Variants in XPO7 observed in about 807,000 individuals in gnomAD.
XPO7 encodes exportin 7.
XPO7 carries 21 observed loss-of-function variants against 144.3 expected under a neutral mutation model. That is an observed-to-expected ratio of 0.15 (90% confidence interval 0.10 to 0.21). XPO7 has a LOEUF of 0.21. Among genes scored for constraint, XPO7 ranks in the 10% least tolerant of loss-of-function variants. XPO7 has a pLI of 1.00. For missense variants in XPO7, 808 were observed against 1,325.8 expected (o/e 0.61, Z 6.06); for synonymous variants, 580 against 499.6 (o/e 1.16, Z -2.15).
chr8:21,975,813 CAG>C (rs1812206068), intron 6 of XPO7, among the ~76,000 whole-genome samples: 2 of 152,196 alleles, frequency 1.3e-5, no homozygotes, highest in African/African-American at 4.8e-5. Flanking sequence ...GGGACAGGCA[CAG>C]TAGCTATGGC....
chr8:21,972,717 C>A (rs1585455585), intron 5 of XPO7, among the ~76,000 whole-genome samples: 1 of 152,162 alleles, frequency 6.6e-6, no homozygotes, highest in Non-Finnish European at 1.5e-5. Flanking sequence ...AGGCCCTTAT[C>A]AATATTAGCT....
chr8:21,993,266 C>A (rs1812828333), intron 19 of XPO7, among the ~76,000 whole-genome samples: 1 of 152,130 alleles, frequency 6.6e-6, no homozygotes, highest in African/African-American at 2.4e-5. Flanking sequence ...AAAAGAACAA[C>A]CTTGGTAATG....
chr8:21,969,259 C>T (rs530161083), intron 2 of XPO7, among the ~76,000 whole-genome samples: 7 of 152,190 alleles, frequency 4.6e-5, no homozygotes, highest in Non-Finnish European at 8.8e-5. Context: ...CTTGATCAGA[C>T]GGTTCACTTT....
intron 1 of XPO7, among the ~76,000 whole-genome samples, chr8:21,950,813 G>T (rs1049895926): frequency 1.3e-5 from 2 of 151,740 alleles, no homozygotes; most frequent in Admixed American, 1.3e-4. Flanking sequence ...ATATTCTACC[G>T]TAAATTTATA....
rs148573624 is a variant in XPO7 at position 21,948,546 on chromosome 8, C to T, written c.19-18311C>T. 3.6e-4 allele frequency among the ~76,000 whole-genome samples: 55 copies of T among 152,260 alleles called. No homozygotes were observed. In the East Asian group the frequency reaches 8.3e-3, roughly 23 times the overall value. On this transcript the variant is annotated intron_variant, in intron 1 of 27. Transcript: ENST00000252512. ...ATGTATCCCCATCGATAACGCAAGG[C>T]ATGACTATACTTTAAAGGAGTTTTT... is the stretch of plus-strand genomic sequence containing the variant.
intron 5 of XPO7, among the ~76,000 whole-genome samples, chr8:21,973,527 G>A (rs1313758486): frequency 6.6e-6 from 1 of 152,154 alleles, no homozygotes; most frequent in Non-Finnish European, 1.5e-5. Context: ...ATTGTTTTGT[G>A]ATTGTCAGAT....
chr8:21,996,897 C>T (rs1034289228), intron 21 of XPO7, among the ~76,000 whole-genome samples: 1 of 152,124 alleles, frequency 6.6e-6, no homozygotes, highest in Non-Finnish European at 1.5e-5. Context: ...AACTTAACGC[C>T]TCCTGGGTTC....
At chr8:21,927,970 T>G (rs62492073) in intron 1 of XPO7, among the ~76,000 whole-genome samples, 1 of 152,216 alleles carries the variant, frequency 6.6e-6, no homozygotes, top group African/African-American at 2.4e-5. Flanking sequence ...ATAAAATCTT[T>G]CCTTTTTACT....
chr8:21,940,785 C>T (rs1474949500), intron 1 of XPO7, among the ~76,000 whole-genome samples: 1 of 152,026 alleles, frequency 6.6e-6, no homozygotes, highest in Admixed American at 6.6e-5. Flanking sequence ...CAGGCATTTT[C>T]ATCGTCCTGT....
Position 21,987,110 on chromosome 8 carries a change from G to T in XPO7, c.1578-31G>T, listed in dbSNP as rs1163495150. ...TCTAGAGTAAACAGGATGTCCTGCTGTTGAGAGAATCATTGCTCCTCTTCC... is the reference window on the plus strand; with the variant it reads ...TCTAGAGTAAACAGGATGTCCTGCTTTTGAGAGAATCATTGCTCCTCTTCC... On this transcript the variant is annotated intron_variant, in intron 13 of 27. Coordinates refer to ENST00000252512, the MANE Select transcript of XPO7 (RefSeq NM_015024.5). 3 of 1,612,772 alleles carry T rather than the reference G, an allele frequency of 1.9e-6. No individual in the cohort carries two copies. In the African/African-American group the frequency reaches 4.0e-5, roughly 22 times the overall value.
At chr8:21,947,512 A>G (rs999397689) in intron 1 of XPO7, among the ~76,000 whole-genome samples, 2 of 152,324 alleles carry the variant, frequency 1.3e-5, no homozygotes, top group Non-Finnish European at 1.5e-5. Context: ...ATTCAACCTT[A>G]CTAATACCAT....
At chr8:21,945,877 A>G (rs2117277732) in intron 1 of XPO7, among the ~76,000 whole-genome samples, 1 of 152,318 alleles carries the variant, frequency 6.6e-6, no homozygotes, top group East Asian at 1.9e-4. Flanking sequence ...AAATGAACCT[A>G]TTCAGACTGG....
intron 14 of XPO7, 51 bp downstream of exon 14, chr8:21,987,327 A>G (rs1812612438): frequency 6.2e-7 from 1 of 1,609,624 alleles, no homozygotes; most frequent in Non-Finnish European, 8.5e-7. Flanking sequence ...CACTTGTGGG[A>G]TTGCTGATGG....
intron 1 of XPO7, among the ~76,000 whole-genome samples, chr8:21,965,703 G>T (rs910946588): frequency 1.3e-5 from 2 of 152,124 alleles, no homozygotes; most frequent in Non-Finnish European, 2.9e-5. Flanking sequence ...TATGAATCCT[G>T]CCCCAAAGGC....
chr8:21,975,782 C>T (rs1812205313), intron 6 of XPO7, among the ~76,000 whole-genome samples: 1 of 152,202 alleles, frequency 6.6e-6, no homozygotes. Flanking sequence ...CACGGAGGCT[C>T]AGCTGGTATA....
In XPO7 at chr8:21,942,890, TTTTTG is replaced by T. The variant is rs1206633914; in HGVS notation, c.18+23117_18+23121del. 3.3e-5 allele frequency among the ~76,000 whole-genome samples: 5 copies of T among 152,260 alleles called. No individual in the cohort carries two copies. The South Asian group carries it at 1.0e-3, about 32-fold the overall frequency. ...GCAGTCTTACTTTAAACTAGCTGGG[TTTTTG>T]TTTTGTTTTGTTTTAAATGAGTGTG... On this transcript the variant is annotated intron_variant, in intron 1 of 27. Transcript: ENST00000252512.
At position 21,985,568 on chromosome 8, in the gene XPO7, G is replaced by C; in HGVS notation, c.1472-18G>C. ...AAACTATCACTGGAGGTGACACTGG[G>C]TCTGTCTCCTGCTGCAGGAAGGCTG... is the stretch of plus-strand genomic sequence containing the variant. On this transcript the variant is annotated intron_variant, in intron 12 of 27. Coordinates refer to ENST00000252512, the MANE Select transcript of XPO7 (RefSeq NM_015024.5). 6.2e-7 allele frequency: 1 copy of C among 1,609,414 alleles called. No individual in the cohort carries two copies. Among genetic ancestry groups the C allele is most frequent in the Non-Finnish European group, 8.5e-7 (1 of 1,175,768 alleles).
chr8:21,928,586 G>A (rs1416563487), intron 1 of XPO7, among the ~76,000 whole-genome samples: 1 of 152,144 alleles, frequency 6.6e-6, no homozygotes, highest in African/African-American at 2.4e-5. Flanking sequence ...CTTTCTAGTA[G>A]GATCTTGTGT....
intron 20 of XPO7, 65 bp downstream of exon 20, chr8:21,994,516 G>A (rs1812876413): frequency 6.8e-7 from 1 of 1,463,156 alleles, no homozygotes; most frequent in South Asian, 1.2e-5. Flanking sequence ...TGGGTGATAG[G>A]GTCCAGAGAC....
Sources: gnomAD v4.1 joint callset for allele counts (sites outside exome capture counted in the v4.1 genomes callset) on GRCh38, gnomAD v4.1.1 for gene constraint, MANE v1.5 for transcripts, NCBI Gene and HGNC (gene_info 2026-07-23, HGNC 2026-07-21) for gene names.